MACROD2: variants seen among roughly 807,000 people sequenced by gnomAD.
MACROD2 encodes the protein mono-ADP ribosylhydrolase 2, also known as ADP-ribose glycohydrolase MACROD2.
MACROD2 carries 36 observed loss-of-function variants against 70.4 expected under a neutral mutation model. The observed-to-expected ratio is 0.51, with a 90% confidence interval of 0.39 to 0.68. The LOEUF (loss-of-function observed/expected upper bound fraction) is 0.68. MACROD2 is among the 30% of genes least tolerant of loss of function. The pLI is 0.00. For missense variants in MACROD2, 496 were observed against 538.4 expected, an observed-to-expected ratio of 0.92 and a Z score of 0.78; for synonymous variants, 172 against 178.8, an observed-to-expected ratio of 0.96 and a Z score of 0.30.
At chr20:15,098,914 A>G (rs942641627) in intron 5 of MACROD2, among the ~76,000 whole-genome samples, 1 of 152,236 alleles carries the variant, frequency 6.6e-6, no homozygotes, top group Non-Finnish European at 1.5e-5. Flanking sequence ...AAATTGCACT[A>G]CTAGTTACAT....
chr20:15,979,322 A>G (rs1054238933), intron 13 of MACROD2, among the ~76,000 whole-genome samples: 3 of 152,136 alleles, frequency 2.0e-5, no homozygotes, highest in Non-Finnish European at 4.4e-5. Flanking sequence ...CAGGCAACAT[A>G]CAATGGATCT....
At chr20:14,157,542 TC>T (rs1023733142) in intron 3 of MACROD2, among the ~76,000 whole-genome samples, 5 of 152,004 alleles carry the variant, frequency 3.3e-5, no homozygotes, top group African/African-American at 9.7e-5. Context: ...CCTCTCTTCA[TC>T]CCCCCTCCCA....
intron 8 of MACROD2, among the ~76,000 whole-genome samples, chr20:15,655,088 C>T (rs2049707300): frequency 1.3e-5 from 2 of 151,840 alleles, no homozygotes; most frequent in African/African-American, 4.8e-5. Flanking sequence ...CGATTTCAAT[C>T]ACACTTGAAA....
rs866321202 is a variant in MACROD2 at position 15,476,577 on chromosome 20, C to G, written c.572-23197C>G. ...AAACTATATTGTTGTTTTGCCCCCC[C>G]CCGGTAAGTCTGTCAACTGAGCACA... On this transcript the variant is annotated intron_variant, in intron 7 of 17. Transcript: ENST00000684519. Among the ~76,000 whole-genome samples the G allele has an allele frequency of 2.2e-4, 33 of 152,088 alleles. 1 individual carries two copies. The highest frequency in any genetic ancestry group is 9.2e-4 in the Admixed American group (14 of 15,284).
At chr20:15,736,644 G>A (rs575100187) in intron 8 of MACROD2, among the ~76,000 whole-genome samples, 1 of 152,182 alleles carries the variant, frequency 6.6e-6, no homozygotes, top group African/African-American at 2.4e-5. Context: ...TGTTTAGTTT[G>A]TGGACATTAA....
chr20:14,215,042 C>T, intron 3 of MACROD2, among the ~76,000 whole-genome samples: 1 of 146,968 alleles, frequency 6.8e-6, no homozygotes, highest in East Asian at 2.0e-4. Flanking sequence ...ACATATATTC[C>T]ATCATATATA....
chr20:15,310,158 ATATT>A (rs1241651971), intron 6 of MACROD2, among the ~76,000 whole-genome samples: 1 of 152,230 alleles, frequency 6.6e-6, no homozygotes, highest in East Asian at 1.9e-4. Context: ...TTCAATGGGA[ATATT>A]TATAAGGTGC....
chr20:15,921,545 C>G (rs1261830893), intron 10 of MACROD2, among the ~76,000 whole-genome samples: 1 of 152,226 alleles, frequency 6.6e-6, no homozygotes, highest in African/African-American at 2.4e-5. Context: ...TTTTGCTTCA[C>G]AAGTGCCTTA....
intron 6 of MACROD2, among the ~76,000 whole-genome samples, chr20:15,275,442 T>C (rs149913443): frequency 1.1e-3 from 172 of 152,286 alleles, no homozygotes; most frequent in African/African-American, 4.0e-3. Flanking sequence ...GGCTGAAATA[T>C]GGCAATGGAT....
intron 6 of MACROD2, among the ~76,000 whole-genome samples, chr20:15,310,062 A>T (rs2077735984): frequency 6.6e-6 from 1 of 152,204 alleles, no homozygotes; most frequent in Non-Finnish European, 1.5e-5. Flanking sequence ...TAGTATGGCC[A>T]GATTAATTTA....
At chr20:15,955,072 G>A (rs1173557838) in intron 12 of MACROD2, among the ~76,000 whole-genome samples, 1 of 152,160 alleles carries the variant, frequency 6.6e-6, no homozygotes, top group East Asian at 1.9e-4. Context: ...ATCTCTGCTT[G>A]GGGTTGTCTG....
intron 3 of MACROD2, among the ~76,000 whole-genome samples, chr20:14,120,666 T>G (rs1266836364): frequency 6.6e-6 from 1 of 150,822 alleles, no homozygotes. Context: ...ATGTGATATA[T>G]ATATATATCA....
chr20:15,907,145 C>T (rs1268338139), intron 10 of MACROD2, among the ~76,000 whole-genome samples: 1 of 152,206 alleles, frequency 6.6e-6, no homozygotes, highest in Non-Finnish European at 1.5e-5. Flanking sequence ...ACCAATTCTT[C>T]AAGGAGGTTT....
intron 5 of MACROD2, among the ~76,000 whole-genome samples, chr20:14,700,522 G>GTTGTGTGTGT (rs1555817948): frequency 2.2e-4 from 25 of 111,464 alleles, no homozygotes; most frequent in South Asian, 5.6e-4. Context: ...GACATATGGT[G>GTTGTGTGTGT]GTGTGTGTGT....
At chr20:14,672,941 T>C (rs2070812420) in intron 4 of MACROD2, among the ~76,000 whole-genome samples, 4 of 152,222 alleles carry the variant, frequency 2.6e-5, no homozygotes. Flanking sequence ...AAATATCAAC[T>C]AAAGTTTCAG....
intron 5 of MACROD2, among the ~76,000 whole-genome samples, chr20:14,729,843 G>A (rs1337524842): frequency 6.6e-6 from 1 of 151,920 alleles, no homozygotes; most frequent in Non-Finnish European, 1.5e-5. Flanking sequence ...CACAAAAGCA[G>A]CAAAGGTAGG....
intron 5 of MACROD2, among the ~76,000 whole-genome samples, chr20:14,795,716 A>G (rs866108848): frequency 1.1e-4 from 16 of 152,084 alleles, no homozygotes; most frequent in Non-Finnish European, 1.8e-4. Flanking sequence ...TCGTTTTTTT[A>G]AAAATCATCA....
At chr20:14,557,868 T>C (rs1044497315) in intron 4 of MACROD2, among the ~76,000 whole-genome samples, 71 of 151,928 alleles carry the variant, frequency 4.7e-4, no homozygotes, top group Middle Eastern at 6.8e-3. Flanking sequence ...GCAATTCTAC[T>C]CATAGGTATA....
At chr20:14,546,284 CA>C (rs1171734704) in intron 4 of MACROD2, among the ~76,000 whole-genome samples, 1 of 152,050 alleles carries the variant, frequency 6.6e-6, no homozygotes, top group Non-Finnish European at 1.5e-5. Context: ...CTAGCTGTTG[CA>C]GTAGCTATAA....
Sources: allele counts gnomAD v4.1 joint callset (sites outside exome capture counted in the v4.1 genomes callset), GRCh38; gene constraint gnomAD v4.1.1; transcripts MANE v1.5; gene names NCBI Gene and HGNC (gene_info 2026-07-23, HGNC 2026-07-21).